Variants in GCNT2 observed in about 807,000 individuals in gnomAD.
GCNT2 encodes N-acetyllactosaminide beta-1,6-N-acetylglucosaminyl-transferase.
A neutral mutation model predicts 34.2 loss-of-function variants in GCNT2; 34 were observed. That is an observed-to-expected ratio of 1.00 (90% CI 0.76 to 1.32). The LOEUF is 1.32. Among genes scored for constraint, GCNT2 ranks in the 40% most tolerant of loss-of-function variants. The probability of loss-of-function intolerance (pLI) is 0.00; values close to 1 mark genes in which losing one functional copy is unlikely to be tolerated. For missense variants in GCNT2, 584 were observed against 489.4 expected, an observed-to-expected ratio of 1.19 and a Z score of -1.82; for synonymous variants, 212 against 188.0, an observed-to-expected ratio of 1.13 and a Z score of -1.04.
At position 10,555,519 on chromosome 6, in the gene GCNT2, T is replaced by C. The variant is rs138239102; in HGVS notation, c.925+25683T>C. ...TCTGAGCATCATTTGTGACCAAGAT[T>C]CAAATTATTTCCCATGAAGCTCTAA... is the stretch of plus-strand genomic sequence containing the variant. On this transcript the variant is annotated intron_variant, in intron 3 of 4. Transcript: ENST00000495262. Among the ~76,000 whole-genome samples, 109 of 152,194 alleles carry C rather than the reference T, an allele frequency of 7.2e-4. 2 individuals are homozygous for C. The highest frequency in any genetic ancestry group is 2.5e-3 in the African/African-American group (103 of 41,522).
At chr6:10,621,566 T>A in intron 4 of GCNT2, 123 bp downstream of exon 4, 1 of 718,054 alleles carries the variant, frequency 1.4e-6, no homozygotes, top group South Asian at 1.5e-5. Context: ...CTGTTAGTTA[T>A]TGGAGAAGCC....
chr6:10,571,593 C>T lies in GCNT2; in HGVS notation c.925+41757C>T, dbSNP rs141406175. ...GTCTTGAACTCCTGACCTCAGGTGA[C>T]CCACCCACCTCAGCCTCCCAAAGTG... On this transcript the variant is annotated intron_variant, in intron 3 of 4. Transcript: ENST00000495262. Among the ~76,000 whole-genome samples, 738 of 152,104 alleles carry T rather than the reference C, an allele frequency of 4.9e-3. 4 individuals are homozygous for T. Among genetic ancestry groups the T allele is most frequent in the African/African-American group, 0.017 (696 of 41,476 alleles).
intron 3 of GCNT2, among the ~76,000 whole-genome samples, chr6:10,573,928 T>C (rs1183079691): frequency 1.3e-5 from 2 of 152,252 alleles, no homozygotes; most frequent in Non-Finnish European, 2.9e-5. Flanking sequence ...CACACAGCCA[T>C]GCTGCTTCAC....
At chr6:10,525,406 C>G (rs1328355384) in intron 1 of GCNT2, among the ~76,000 whole-genome samples, 1 of 152,114 alleles carries the variant, frequency 6.6e-6, no homozygotes, top group Non-Finnish European at 1.5e-5. Flanking sequence ...GAAATTCAAC[C>G]TGGGATGAAC....
Position 10,602,776 on chromosome 6 carries a change from C to T in GCNT2, c.926-18575C>T, listed in dbSNP as rs556055929. Among the ~76,000 whole-genome samples the T allele has an allele frequency of 7.2e-5, 11 of 152,244 alleles. No individual in the cohort carries two copies. The East Asian group carries it at 1.9e-3, about 27-fold the overall frequency. ...ATATCTAGCTGGGTGCAGCCTGGTGCCTTGTTTTGAAGGTGAAGAAGGCAC... is the reference window on the plus strand; with the variant it reads ...ATATCTAGCTGGGTGCAGCCTGGTGTCTTGTTTTGAAGGTGAAGAAGGCAC... On this transcript the variant is annotated intron_variant, in intron 3 of 4. Transcript: ENST00000495262.
intron 3 of GCNT2, among the ~76,000 whole-genome samples, chr6:10,589,769 G>T (rs1343108052): frequency 6.6e-6 from 1 of 152,102 alleles, no homozygotes. Flanking sequence ...CTGATTAAAC[G>T]TGGAGAACAT....
At chr6:10,537,722 A>C (rs868509652) in intron 3 of GCNT2, among the ~76,000 whole-genome samples, 1,684 of 142,212 alleles carry the variant, frequency 0.012, 54 homozygotes, top group African/African-American at 0.04. Flanking sequence ...AAAAAAAAAA[A>C]AAAACAAAAC....
chr6:10,538,437 A>AAAATATATAT (rs1554127249), intron 3 of GCNT2, among the ~76,000 whole-genome samples: 1 of 73,358 alleles, frequency 1.4e-5, no homozygotes, highest in African/African-American at 1.2e-4. Flanking sequence ...AAAAAAAAAA[A>AAAATATATAT]ATATATATAT....
At chr6:10,573,023 A>G (rs1001471037) in intron 3 of GCNT2, 2 of 208,440 alleles carry the variant, frequency 9.6e-6, no homozygotes, top group Non-Finnish European at 1.7e-5. Flanking sequence ...AGTGGATTGA[A>G]TAAACTGAAA....
At chr6:10,549,505 C>G (rs2113628658) in intron 3 of GCNT2, among the ~76,000 whole-genome samples, 1 of 150,216 alleles carries the variant, frequency 6.7e-6, no homozygotes, top group East Asian at 2.0e-4. Flanking sequence ...TGCTCCATAT[C>G]TTCACGAATT....
In GCNT2 at chr6:10,627,929, CCTTTATGTAT is replaced by C. The variant is rs1328962313; in HGVS notation, c.*1325_*1334del. On this transcript the variant is annotated 3_prime_UTR_variant, in exon 5 of 5. Coordinates refer to ENST00000495262, the MANE Select transcript of GCNT2 (RefSeq NM_145649.5). ...GTTGTGTTCCAGCCATTCTGGTATT[CCTTTATGTAT>C]CTAATTTCATTCAAACCTCACAACA... 6.6e-6 allele frequency: 1 copy of C among 152,524 alleles called. No homozygotes were observed. The highest frequency in any genetic ancestry group is 2.4e-5 in the African/African-American group (1 of 41,410). 9.4% of individuals were successfully genotyped at this position (152,524 alleles called of 1,614,324 possible).
At chr6:10,527,010 T>G (rs900061982) in intron 1 of GCNT2, among the ~76,000 whole-genome samples, 1 of 152,110 alleles carries the variant, frequency 6.6e-6, no homozygotes, top group Non-Finnish European at 1.5e-5. Flanking sequence ...TTGGAAAAAT[T>G]AGGTTTATTG....
intron 3 of GCNT2, among the ~76,000 whole-genome samples, chr6:10,604,611 A>G (rs991143405): frequency 6.6e-6 from 1 of 152,186 alleles, no homozygotes; most frequent in Non-Finnish European, 1.5e-5. Context: ...TTGTAATTCC[A>G]GCACTTTGAG....
At chr6:10,617,095 A>G (rs942303252) in intron 3 of GCNT2, among the ~76,000 whole-genome samples, 4 of 152,170 alleles carry the variant, frequency 2.6e-5, no homozygotes, top group Admixed American at 6.5e-5. Context: ...GGGACTGGGC[A>G]CCATGGAGCA....
At chr6:10,558,429 T>C (rs929178923) in intron 3 of GCNT2, among the ~76,000 whole-genome samples, 3 of 152,204 alleles carry the variant, frequency 2.0e-5, no homozygotes, top group Non-Finnish European at 4.4e-5. Context: ...TAAAAATACA[T>C]TTTATTTCAA....
At chr6:10,558,387 A>G (rs1490527091) in intron 3 of GCNT2, among the ~76,000 whole-genome samples, 4 of 152,204 alleles carry the variant, frequency 2.6e-5, no homozygotes, top group Non-Finnish European at 5.9e-5. Context: ...ATTTGGACTC[A>G]TGCATGTACC....
chr6:10,562,504 G>GC (rs1375087766), intron 3 of GCNT2, among the ~76,000 whole-genome samples: 1 of 151,858 alleles, frequency 6.6e-6, no homozygotes, highest in Admixed American at 6.6e-5. Context: ...GATCCCTTGA[G>GC]CCCAAGAGTT....
At chr6:10,583,760 T>C (rs1764221020) in intron 3 of GCNT2, among the ~76,000 whole-genome samples, 1 of 152,182 alleles carries the variant, frequency 6.6e-6, no homozygotes, top group African/African-American at 2.4e-5. Context: ...ACCTCAAATC[T>C]GAGGTTGTCA....
chr6:10,577,896 A>G (rs1367107869), intron 3 of GCNT2, among the ~76,000 whole-genome samples: 3 of 152,164 alleles, frequency 2.0e-5, no homozygotes, highest in Admixed American at 6.5e-5. Context: ...TCGTGGTGGT[A>G]GGAGGTGCAC....
Sources: gnomAD v4.1 joint callset for allele counts (sites outside exome capture counted in the v4.1 genomes callset) on GRCh38, gnomAD v4.1.1 for gene constraint, MANE v1.5 for transcripts, NCBI Gene and HGNC (gene_info 2026-07-23, HGNC 2026-07-21) for gene names.